SUMF1: variants seen among roughly 807,000 people sequenced by gnomAD.
SUMF1 encodes the protein sulfatase modifying factor 1.
A neutral mutation model predicts 47.6 loss-of-function variants in SUMF1; 48 were observed. That is an observed-to-expected ratio of 1.01 (90% CI 0.80 to 1.28). The LOEUF is 1.28. Ranked by LOEUF, SUMF1 falls within the 50% of genes most tolerant of loss-of-function variation. The probability of loss-of-function intolerance (pLI) is 0.00; values close to 1 mark genes in which losing one functional copy is unlikely to be tolerated. For missense variants in SUMF1, 571 were observed against 485.4 expected, an observed-to-expected ratio of 1.18 and a Z score of -1.66; for synonymous variants, 230 against 192.1, an observed-to-expected ratio of 1.20 and a Z score of -1.63.
Position 4,096,434 on chromosome 3 carries a change from C to A in SUMF1, c.1015-27689G>T, listed in dbSNP as rs563863712. 3.5e-4 allele frequency among the ~76,000 whole-genome samples: 53 copies of A among 152,202 alleles called. 1 individual carries two copies. The highest frequency in any genetic ancestry group is 5.4e-4 in the Non-Finnish European group (37 of 68,002). ...GAATAATAACAACTGAAAGGGTTACCTTCACCCAGCCAAAGAGTGAGTGAA... is the reference window on the plus strand; with the variant it reads ...GAATAATAACAACTGAAAGGGTTACATTCACCCAGCCAAAGAGTGAGTGAA... On this transcript the variant is annotated intron_variant and NMD_transcript_variant, in intron 8 of 12. Transcript: ENST00000448413.
In SUMF1 at chr3:4,313,474, G is replaced by A. The variant is rs529778792; in HGVS notation, c.1014+62856C>T. 1.4e-5 allele frequency: 23 copies of A among 1,613,870 alleles called. No individual in the cohort carries two copies. In the South Asian group the frequency reaches 2.4e-4, roughly 17 times the overall value. On this transcript the variant is annotated intron_variant and NMD_transcript_variant, in intron 8 of 12. Transcript: ENST00000448413. The stretch of plus-strand genomic sequence containing the variant: ...AATTGACTCAATGGTACCTAAGTTG[G>A]CACTTTTTGCAGCCAAAGATATTGT...
chr3:4,204,084 C>A (rs1343866384), intron 8 of SUMF1, among the ~76,000 whole-genome samples: 1 of 151,914 alleles, frequency 6.6e-6, no homozygotes, highest in African/African-American at 2.4e-5. Context: ...GAGTTTTGTG[C>A]CTTCAGATGA....
intron 9 of SUMF1, among the ~76,000 whole-genome samples, chr3:4,043,036 A>G (rs1694939401): frequency 6.6e-6 from 1 of 152,156 alleles, no homozygotes; most frequent in South Asian, 2.1e-4. Flanking sequence ...TAGAAAGACC[A>G]AAAGGTGGCA....
chr3:4,151,709 A>T (rs1694340065), intron 8 of SUMF1, among the ~76,000 whole-genome samples: 1 of 150,706 alleles, frequency 6.6e-6, no homozygotes, highest in Non-Finnish European at 1.5e-5. Flanking sequence ...GCTAAAAAAA[A>T]AAAAAATCAC....
intron 8 of SUMF1, among the ~76,000 whole-genome samples, chr3:4,243,406 T>C (rs1305633893): frequency 1.3e-5 from 2 of 152,254 alleles, no homozygotes; most frequent in Non-Finnish European, 2.9e-5. Context: ...TTTAGTGCTA[T>C]AAATTTCCCT....
At chr3:4,152,318 C>T (rs976618410) in intron 8 of SUMF1, among the ~76,000 whole-genome samples, 1 of 151,490 alleles carries the variant, frequency 6.6e-6, no homozygotes, top group South Asian at 2.1e-4. Flanking sequence ...AACAGGGTCT[C>T]GCTCTGTTGC....
chr3:4,101,830 T>G (rs935929603), intron 8 of SUMF1, among the ~76,000 whole-genome samples: 5 of 152,152 alleles, frequency 3.3e-5, no homozygotes, highest in Admixed American at 3.3e-4. Context: ...ATTCTCACAC[T>G]GCTATAAAGA....
intron 8 of SUMF1, among the ~76,000 whole-genome samples, chr3:4,106,492 CCTTTT>C (rs1693161333): frequency 6.6e-6 from 1 of 152,112 alleles, no homozygotes; most frequent in Non-Finnish European, 1.5e-5. Flanking sequence ...ACTATAACTC[CCTTTT>C]CTTTTAATCA....
intron 3 of SUMF1, among the ~76,000 whole-genome samples, chr3:4,431,610 A>G (rs1388698416): frequency 6.6e-6 from 1 of 152,176 alleles, no homozygotes; most frequent in African/African-American, 2.4e-5. Flanking sequence ...GATGTGAGAC[A>G]AGAGCTTGGG....
chr3:4,320,028 G>A (rs1219074832), intron 8 of SUMF1, among the ~76,000 whole-genome samples: 1 of 152,190 alleles, frequency 6.6e-6, no homozygotes, highest in Non-Finnish European at 1.5e-5. Context: ...AAGCACAGGA[G>A]TTTTTTAGGG....
chr3:4,191,019 ACAAGG>A (rs1258240724), intron 8 of SUMF1, among the ~76,000 whole-genome samples: 10 of 152,324 alleles, frequency 6.6e-5, no homozygotes, highest in Non-Finnish European at 1.3e-4. Flanking sequence ...AACTCTATAA[ACAAGG>A]TGAGATCACA....
intron 8 of SUMF1, among the ~76,000 whole-genome samples, chr3:4,209,970 C>T (rs1426395097): frequency 6.6e-6 from 1 of 152,152 alleles, no homozygotes; most frequent in East Asian, 1.9e-4. Flanking sequence ...TCTCAGCTCA[C>T]TGTAACCTCC....
At chr3:4,166,508 T>A (rs1694709079) in intron 8 of SUMF1, among the ~76,000 whole-genome samples, 1 of 152,110 alleles carries the variant, frequency 6.6e-6, no homozygotes, top group Admixed American at 6.5e-5. Context: ...TGATCCCAGG[T>A]GCCTAAAGAA....
At chr3:4,213,693 T>C (rs2125166174) in intron 8 of SUMF1, among the ~76,000 whole-genome samples, 1 of 151,950 alleles carries the variant, frequency 6.6e-6, no homozygotes, top group South Asian at 2.1e-4. Flanking sequence ...ACACATAGGC[T>C]CAAAATAAAG....
In SUMF1 at chr3:4,335,315, C is replaced by A. The variant is rs149355252; in HGVS notation, c.1014+41015G>T. On this transcript the variant is annotated intron_variant and NMD_transcript_variant, in intron 8 of 12. Transcript: ENST00000448413. ...CCAGACCACCCTACCTACCTCTTCA[C>A]CTCATCTCTTAAAATTTACATATAG... Among the ~76,000 whole-genome samples, 37 of 152,282 alleles carry A rather than the reference C, an allele frequency of 2.4e-4. 1 individual carries two copies. In the East Asian group the frequency reaches 6.8e-3, roughly 28 times the overall value.
chr3:4,080,705 C>G (rs1455011401), intron 8 of SUMF1, among the ~76,000 whole-genome samples: 1 of 151,962 alleles, frequency 6.6e-6, no homozygotes, highest in Admixed American at 6.6e-5. Flanking sequence ...TAAAAGAATA[C>G]AATATAAAAC....
intron 8 of SUMF1, among the ~76,000 whole-genome samples, chr3:4,185,002 T>G (rs537795660): frequency 2.0e-5 from 3 of 152,150 alleles, no homozygotes; most frequent in African/African-American, 4.8e-5. Flanking sequence ...CCTCTCCGAT[T>G]TAAAATAAGG....
Position 4,179,990 on chromosome 3 carries a change from T to G in SUMF1, c.1015-111245A>C, listed in dbSNP as rs149955586. On this transcript the variant is annotated intron_variant and NMD_transcript_variant, in intron 8 of 12. Transcript: ENST00000448413. ...AGAGAAACACAAATGAAAACCACAATGAGATACCATCTCACACCAGTTAGA... is the reference window on the plus strand; with the variant it reads ...AGAGAAACACAAATGAAAACCACAAGGAGATACCATCTCACACCAGTTAGA... 1.8e-3 allele frequency among the ~76,000 whole-genome samples: 267 copies of G among 152,124 alleles called. 3 individuals are homozygous for G. Among genetic ancestry groups the G allele is most frequent in the African/African-American group, 6.3e-3 (261 of 41,512 alleles).
intron 7 of SUMF1, among the ~76,000 whole-genome samples, chr3:4,402,076 T>C (rs1275423091): frequency 2.0e-5 from 3 of 152,226 alleles, no homozygotes; most frequent in East Asian, 3.9e-4. Context: ...CCTCACTGCA[T>C]TTACTTTGGG....
Sources: allele counts gnomAD v4.1 joint callset (sites outside exome capture counted in the v4.1 genomes callset), GRCh38; gene constraint gnomAD v4.1.1; transcripts MANE v1.5; gene names NCBI Gene and HGNC (gene_info 2026-07-23, HGNC 2026-07-21).